Variants in MARCHF1 observed in about 807,000 individuals in gnomAD.
MARCHF1 encodes the protein membrane associated ring-CH-type finger 1, also known as E3 ubiquitin-protein ligase MARCHF1.
In MARCHF1, 40 loss-of-function variants were observed where a neutral mutation model predicts 54.2. The ratio of observed to expected loss-of-function variants is 0.74; its 90% CI spans 0.57 to 0.96. MARCHF1 has a LOEUF of 0.96. MARCHF1 is among the 40% of genes least tolerant of loss of function. The pLI is 0.00. For synonymous variants in MARCHF1, 236 were observed against 236.3 expected (o/e 1.00, Z 0.01); for missense variants, 586 against 656.5 (o/e 0.89, Z 1.17).
intron 1 of MARCHF1, among the ~76,000 whole-genome samples, chr4:164,304,435 C>A (rs1203142010): frequency 6.6e-6 from 1 of 152,160 alleles, no homozygotes; most frequent in African/African-American, 2.4e-5. Flanking sequence ...GTATTTCCCT[C>A]CCACTCCTTC....
At position 163,691,313 on chromosome 4, in the gene MARCHF1, C is replaced by G. The variant is rs78082188; in HGVS notation, c.162+9500G>C. 8.0e-3 allele frequency among the ~76,000 whole-genome samples: 1,219 copies of G among 152,240 alleles called. 11 individuals are homozygous for G. The highest frequency in any genetic ancestry group is 0.035 in the South Asian group (170 of 4,820). ...GACCATGTTAGGCAGAATCCTGCCC[C>G]ATGTTAGTAGGTCAGATACTGAGAC... On this transcript the variant is annotated intron_variant, in intron 5 of 9. Coordinates refer to ENST00000514618, the MANE Select transcript of MARCHF1 (RefSeq NM_001394959.1).
In MARCHF1 at chr4:164,166,483, A is replaced by G. The variant is rs900570873; in HGVS notation, c.-322-54821T>C. On this transcript the variant is annotated intron_variant, in intron 1 of 9. Transcript: ENST00000514618. ...TAAAAACTCTTAACACTTTAGCTCT[A>G]GAAGGAAAACATCCCAACATATTAA... Among the ~76,000 whole-genome samples, 8 of 152,104 alleles carry G rather than the reference A, an allele frequency of 5.3e-5. No individual in the cohort carries two copies. In the South Asian group the frequency reaches 1.0e-3, roughly 20 times the overall value.
rs573650077 is a variant in MARCHF1 at position 163,960,335 on chromosome 4, A to G, written c.-39+28166T>C. On this transcript the variant is annotated intron_variant, in intron 3 of 9. Coordinates refer to ENST00000514618, the MANE Select transcript of MARCHF1 (RefSeq NM_001394959.1). ...TAACCAGAGGAATATAAATCATTCT[A>G]TCATAAAGACACATGAAGACAAATG... Among the ~76,000 whole-genome samples, 9 of 152,170 alleles carry G rather than the reference A, an allele frequency of 5.9e-5. No homozygotes were observed. In the South Asian group the frequency reaches 1.9e-3, roughly 32 times the overall value.
At chr4:163,613,116 G>T in intron 6 of MARCHF1, 78 bp from the exon 7 acceptor site, 1 of 1,337,220 alleles carries the variant, frequency 7.5e-7, no homozygotes, top group Non-Finnish European at 9.9e-7. Context: ...AGAGAATGAT[G>T]AAAATGACAG....
chr4:164,037,051 A>T (rs552445640), intron 2 of MARCHF1, among the ~76,000 whole-genome samples: 51 of 152,320 alleles, frequency 3.3e-4, no homozygotes, highest in Non-Finnish European at 5.7e-4. Flanking sequence ...AAAGAGCAAA[A>T]CATCATTCTA....
chr4:163,884,934 T>TTGTCCACTATTCAGGAACA (rs2111252527), intron 3 of MARCHF1, among the ~76,000 whole-genome samples: 1 of 152,298 alleles, frequency 6.6e-6, no homozygotes, highest in South Asian at 2.1e-4. Context: ...TTAAAGCTAA[T>TTGTCCACTATTCAGGAACA]TGTCCACTAT....
At chr4:163,634,220 T>G (rs1289272284) in intron 5 of MARCHF1, among the ~76,000 whole-genome samples, 1 of 151,814 alleles carries the variant, frequency 6.6e-6, no homozygotes, top group Non-Finnish European at 1.5e-5. Flanking sequence ...AACATCATCA[T>G]GACAGGATCA....
At chr4:164,332,977 G>A (rs1729604188) in intron 1 of MARCHF1, among the ~76,000 whole-genome samples, 1 of 151,774 alleles carries the variant, frequency 6.6e-6, no homozygotes, top group Non-Finnish European at 1.5e-5. Context: ...GGAATATTAT[G>A]GTATTGTTCA....
intron 4 of MARCHF1, among the ~76,000 whole-genome samples, chr4:163,755,767 T>A (rs989101700): frequency 1.3e-5 from 2 of 152,126 alleles, no homozygotes; most frequent in East Asian, 1.9e-4. Context: ...AGAATATAAA[T>A]TTTTGACAGA....
chr4:164,152,057 T>C (rs1246911588), intron 1 of MARCHF1, among the ~76,000 whole-genome samples: 1 of 152,150 alleles, frequency 6.6e-6, no homozygotes, highest in East Asian at 1.9e-4. Flanking sequence ...GCAGTTGCAA[T>C]ATGAATAAGA....
rs1354800964 is a variant in MARCHF1, at chr4:163,612,654, G to A, written c.627C>T (p.Leu209=). 8.5e-6 allele frequency: 13 copies of A among 1,535,502 alleles called. No individual in the cohort carries two copies. The highest frequency in any genetic ancestry group is 1.2e-5 in the South Asian group (1 of 84,048). ...CTTTACCTTTGGATCCCAGATCAAC[G>A]AGCTCAATTCCGTTAGGAGTGGAAG... ...AGSSTPNGIE[L]VDLGSKGKEQ... The change falls in exon 7 of 10, where the codon CTC becomes CTT. Residue 209 remains leucine (L), a synonymous_variant. Transcript: ENST00000514618.
chr4:164,185,809 CAAAAAAA>C (rs33914299), intron 1 of MARCHF1, among the ~76,000 whole-genome samples: 20,074 of 149,552 alleles, frequency 0.13, 1,715 homozygotes, highest in African/African-American at 0.22. Flanking sequence ...CACACACACA[CAAAAAAA>C]AAAACATTTC....
intron 3 of MARCHF1, among the ~76,000 whole-genome samples, chr4:163,903,603 C>T (rs958772344): frequency 1.3e-5 from 2 of 150,828 alleles, no homozygotes; most frequent in African/African-American, 2.4e-5. Context: ...TTTTTTCTTT[C>T]TTTCTTTCTT....
intron 1 of MARCHF1, among the ~76,000 whole-genome samples, chr4:164,136,772 A>C (rs887070895): frequency 1.3e-4 from 19 of 151,124 alleles, no homozygotes; most frequent in Admixed American, 1.2e-3. Context: ...CAGACAGAGC[A>C]TGAGCAGTCC....
intron 2 of MARCHF1, among the ~76,000 whole-genome samples, chr4:164,035,740 A>G (rs1239978882): frequency 1.3e-5 from 2 of 151,738 alleles, no homozygotes; most frequent in Non-Finnish European, 2.9e-5. Context: ...TCCTGGTTCC[A>G]AGTAAACTTT....
chr4:164,117,198 C>T (rs1378384233), intron 1 of MARCHF1, among the ~76,000 whole-genome samples: 3 of 151,858 alleles, frequency 2.0e-5, no homozygotes, highest in South Asian at 4.1e-4. Context: ...GCAGAGGTTG[C>T]GGTGAGCCGA....
intron 4 of MARCHF1, among the ~76,000 whole-genome samples, chr4:163,741,910 A>G (rs1434273831): frequency 2.6e-5 from 4 of 152,214 alleles, no homozygotes; most frequent in Non-Finnish European, 4.4e-5. Context: ...GATAATATGT[A>G]TATTTATATA....
At chr4:163,673,708 C>A (rs1743810486) in intron 5 of MARCHF1, among the ~76,000 whole-genome samples, 1 of 152,016 alleles carries the variant, frequency 6.6e-6, no homozygotes, top group Non-Finnish European at 1.5e-5. Context: ...AAAGTACTTG[C>A]CATATACCAC....
intron 3 of MARCHF1, among the ~76,000 whole-genome samples, chr4:163,880,554 A>C (rs907886939): frequency 2.0e-5 from 3 of 151,608 alleles, no homozygotes; most frequent in African/African-American, 7.3e-5. Context: ...CTACATAAAA[A>C]TTATGCAATA....
Sources: gnomAD v4.1 joint callset for allele counts (sites outside exome capture counted in the v4.1 genomes callset) on GRCh38, gnomAD v4.1.1 for gene constraint, MANE v1.5 for transcripts, NCBI Gene and HGNC (gene_info 2026-07-23, HGNC 2026-07-21) for gene names.